The following TBC1D22B variants were observed in gnomAD, a reference collection of about 807,000 sequenced individuals.
TBC1D22B encodes the protein chromosome 6 open reading frame 197.
In TBC1D22B, 32 loss-of-function variants were observed where a neutral mutation model predicts 69.1. That is an observed-to-expected ratio of 0.46 (90% confidence interval 0.35 to 0.62). The LOEUF (loss-of-function observed/expected upper bound fraction) is 0.62, where lower values mean the gene tolerates loss of function less well. Ranked by LOEUF, TBC1D22B falls within the 20% of genes least tolerant of loss-of-function variation. The pLI is 0.00. For synonymous variants in TBC1D22B, 206 were observed against 229.8 expected (o/e 0.90, Z 0.94); for missense variants, 462 against 630.9 (o/e 0.73, Z 2.87).
At chr6:37,324,548 T>C (rs1768339269) in intron 12 of TBC1D22B, among the ~76,000 whole-genome samples, 1 of 152,146 alleles carries the variant, frequency 6.6e-6, no homozygotes, top group Non-Finnish European at 1.5e-5. Context: ...GAAGTTGAAA[T>C]AGAAGGCTAA....
chr6:37,276,948 G>A (rs189611920), intron 2 of TBC1D22B, among the ~76,000 whole-genome samples: 61 of 152,226 alleles, frequency 4.0e-4, no homozygotes, highest in Admixed American at 1.8e-3. Context: ...CATAAAAAGC[G>A]TATGAAGAAA....
At chr6:37,309,541 G>A (rs1480379520) in intron 8 of TBC1D22B, among the ~76,000 whole-genome samples, 3 of 152,248 alleles carry the variant, frequency 2.0e-5, no homozygotes, top group Admixed American at 2.0e-4. Context: ...TTCCCTGTGG[G>A]TTTCACTTTT....
At chr6:37,287,607 C>T (rs1331804109) in intron 7 of TBC1D22B, among the ~76,000 whole-genome samples, 1 of 152,200 alleles carries the variant, frequency 6.6e-6, no homozygotes, top group Non-Finnish European at 1.5e-5. Flanking sequence ...CCAGGCAGCT[C>T]AAATAAGTGG....
At chr6:37,311,231 G>A (rs1216343472) in intron 8 of TBC1D22B, among the ~76,000 whole-genome samples, 3 of 150,090 alleles carry the variant, frequency 2.0e-5, no homozygotes, top group Non-Finnish European at 4.4e-5. Context: ...TTCTGATAAA[G>A]CACCCCACCC....
intron 12 of TBC1D22B, among the ~76,000 whole-genome samples, chr6:37,327,262 A>T (rs953701046): frequency 5.2e-5 from 5 of 96,856 alleles, no homozygotes; most frequent in African/African-American, 1.7e-4. Flanking sequence ...GCGGATCACG[A>T]GGTCAGGAGA....
intron 8 of TBC1D22B, among the ~76,000 whole-genome samples, chr6:37,306,607 C>T (rs113947949): frequency 2.6e-5 from 4 of 152,282 alleles, no homozygotes; most frequent in African/African-American, 9.6e-5. Flanking sequence ...GCTGACTTAA[C>T]CAGCAGCAAC....
chr6:37,327,006 T>C (rs1327244223), intron 12 of TBC1D22B, among the ~76,000 whole-genome samples: 1 of 152,120 alleles, frequency 6.6e-6, no homozygotes, highest in Non-Finnish European at 1.5e-5. Context: ...GTGGTCTACC[T>C]GAGGAGAATG....
At chr6:37,330,856 T>C (rs563751588) in intron 12 of TBC1D22B, among the ~76,000 whole-genome samples, 188 bp from the exon 13 acceptor site, 1 of 152,226 alleles carries the variant, frequency 6.6e-6, no homozygotes, top group South Asian at 2.1e-4. Context: ...AGCAGAGGCT[T>C]TCAAGACCTC....
intron 12 of TBC1D22B, among the ~76,000 whole-genome samples, chr6:37,329,244 G>A (rs1768515687): frequency 6.6e-6 from 1 of 152,154 alleles, no homozygotes; most frequent in Non-Finnish European, 1.5e-5. Context: ...GGATCATACT[G>A]TAAATATTGT....
chr6:37,327,261 G>A lies in TBC1D22B; in HGVS notation c.1390-3783G>A, dbSNP rs537332676. ...TGGGAGGCCGAGGCGGGCGGATCAC[G>A]AGGTCAGGAGATCGAGACCATCCTG... On this transcript the variant is annotated intron_variant, in intron 12 of 12. Coordinates refer to ENST00000373491, the MANE Select transcript of TBC1D22B (RefSeq NM_017772.4). 4.1e-5 allele frequency among the ~76,000 whole-genome samples: 4 copies of A among 96,390 alleles called. 1 individual carries two copies. The highest frequency in any genetic ancestry group is 5.5e-4 in the South Asian group (2 of 3,612). The allele number at this position is 96,390 out of a possible 152,430, so 63.2% of individuals were successfully genotyped here. A position where few individuals can be genotyped will look rare whatever the true frequency, so the allele number is the denominator to read the frequency against.
At chr6:37,320,657 AGCT>A (rs1419891418) in intron 12 of TBC1D22B, among the ~76,000 whole-genome samples, 1 of 152,206 alleles carries the variant, frequency 6.6e-6, no homozygotes, top group Non-Finnish European at 1.5e-5. Flanking sequence ...GCTGGGTCCC[AGCT>A]GCGACAAAAG....
intron 12 of TBC1D22B, among the ~76,000 whole-genome samples, chr6:37,319,819 A>G (rs1768187097): frequency 6.6e-6 from 1 of 152,220 alleles, no homozygotes; most frequent in African/African-American, 2.4e-5. Context: ...AGGAGACAGA[A>G]TCATGGCAGA....
intron 8 of TBC1D22B, among the ~76,000 whole-genome samples, chr6:37,301,274 A>G (rs1461008132): frequency 6.6e-6 from 1 of 152,158 alleles, no homozygotes. Flanking sequence ...CAGACAATTT[A>G]CTCATTTAAA....
intron 1 of TBC1D22B, among the ~76,000 whole-genome samples, chr6:37,260,125 G>A (rs1386390971): frequency 1.3e-5 from 2 of 152,180 alleles, no homozygotes; most frequent in Non-Finnish European, 2.9e-5. Flanking sequence ...TCTGGTCATA[G>A]GAGAAAACTA....
chr6:37,291,429 C>G (rs1767179081), intron 8 of TBC1D22B, 72 bp downstream of exon 8: 1 of 1,133,504 alleles, frequency 8.8e-7, no homozygotes, highest in South Asian at 1.6e-5. Flanking sequence ...TTTGTTTTTC[C>G]CAAGAGTCCA....
At position 37,282,182 on chromosome 6, in the gene TBC1D22B, C is replaced by G. The variant is rs756004182; in HGVS notation, c.422-3C>G. 6.2e-7 allele frequency: 1 copy of G among 1,614,042 alleles called. No homozygotes were observed. Among genetic ancestry groups the G allele is most frequent in the Non-Finnish European group, 8.5e-7 (1 of 1,179,922 alleles). ...GTTCTCTTTCTTTTTCAAATGATCT[C>G]AGGTGATACATGCCTGAGGAACCCA... On this transcript the variant is annotated splice_region_variant and splice_polypyrimidine_tract_variant and intron_variant, in intron 3 of 12. Coordinates refer to ENST00000373491, the MANE Select transcript of TBC1D22B (RefSeq NM_017772.4).
At chr6:37,275,972 T>C (rs1160105991) in intron 2 of TBC1D22B, among the ~76,000 whole-genome samples, 2 of 150,992 alleles carry the variant, frequency 1.3e-5, no homozygotes, top group South Asian at 2.1e-4. Flanking sequence ...TTTTCTTTTT[T>C]TTTTTTTTTG....
intron 1 of TBC1D22B, among the ~76,000 whole-genome samples, chr6:37,264,381 C>T (rs7771855): frequency 0.6 from 91,523 of 152,010 alleles, 28,556 homozygotes; most frequent in East Asian, 0.85. Flanking sequence ...GGCACGATCT[C>T]GGCTCACCGC....
intron 12 of TBC1D22B, among the ~76,000 whole-genome samples, chr6:37,326,394 A>G (rs955853299): frequency 5.6e-4 from 84 of 150,594 alleles, no homozygotes; most frequent in African/African-American, 1.5e-3. Context: ...AAAAAAAAAA[A>G]GTATTCTCTT....
Sources: allele counts gnomAD v4.1 joint callset (sites outside exome capture counted in the v4.1 genomes callset), GRCh38; gene constraint gnomAD v4.1.1; transcripts MANE v1.5; gene names NCBI Gene and HGNC (gene_info 2026-07-23, HGNC 2026-07-21).